Variants in LRRC37A2 observed in about 807,000 individuals in gnomAD.
LRRC37A2 encodes the protein leucine-rich repeat-containing protein 37A2.
A neutral mutation model predicts 68.8 loss-of-function variants in LRRC37A2; 9 were observed. The observed-to-expected ratio is 0.13, with a 90% confidence interval of 0.08 to 0.23. The LOEUF (loss-of-function observed/expected upper bound fraction) is 0.23. Ranked by LOEUF, LRRC37A2 falls within the 10% of genes least tolerant of loss-of-function variation. The probability of loss-of-function intolerance (pLI) is 1.00; values close to 1 mark genes in which losing one functional copy is unlikely to be tolerated. For missense variants in LRRC37A2, 168 were observed against 950.4 expected (o/e 0.18, Z 10.82); for synonymous variants, 63 against 367.6 (o/e 0.17, Z 9.48).
the LRRC37A2 span, among the ~76,000 whole-genome samples, chr17:46,927,998 C>T: frequency 2.0e-5 from 3 of 152,210 alleles, no homozygotes; most frequent in African/African-American, 4.8e-5. Context: ...CTCCGGTCCC[C>T]TGTACCTGTT....
At chr17:46,501,166 G>A in the LRRC37A2 span, among the ~76,000 whole-genome samples, 1 of 151,140 alleles carries the variant, frequency 6.6e-6, no homozygotes, top group South Asian at 2.1e-4. Context: ...CTAGGTACAA[G>A]CCACCATGCC....
the LRRC37A2 span, chr17:46,851,723 C>T: frequency 7.8e-7 from 1 of 1,274,962 alleles, no homozygotes; most frequent in Non-Finnish European, 9.9e-7. The surrounding 1 kb of genome is among the most constrained non-coding windows in gnomAD (Gnocchi z 4.3). Flanking sequence ...CGGGTCAGTG[C>T]CCGCCGCGCC....
the LRRC37A2 span, among the ~76,000 whole-genome samples, chr17:46,831,937 C>G: frequency 2.6e-5 from 4 of 152,254 alleles, no homozygotes; most frequent in Admixed American, 2.6e-4. Context: ...CAGGGCAGAC[C>G]AGGACACTGT....
At chr17:46,755,467 T>C in the LRRC37A2 span, 1 of 1,063,464 alleles carries the variant, frequency 9.4e-7, no homozygotes. Context: ...TAAGTTTGTT[T>C]CCATTTATTT....
At chr17:46,985,917 C>G in the LRRC37A2 span, among the ~76,000 whole-genome samples, 1 of 152,306 alleles carries the variant, frequency 6.6e-6, no homozygotes, top group Non-Finnish European at 1.5e-5. Context: ...AAGGTCTGTA[C>G]CTCGTCTACC....
chr17:46,601,847 A>G, the LRRC37A2 span, among the ~76,000 whole-genome samples: 1 of 151,026 alleles, frequency 6.6e-6, no homozygotes, highest in African/African-American at 2.5e-5. Context: ...TTTCCGTATG[A>G]ATTCTGGGAA....
the LRRC37A2 span, among the ~76,000 whole-genome samples, chr17:46,951,425 C>T: frequency 6.6e-6 from 1 of 152,192 alleles, no homozygotes; most frequent in Non-Finnish European, 1.5e-5. Context: ...GGCTCCTCGC[C>T]CAGCTGCCGC....
the LRRC37A2 span, among the ~76,000 whole-genome samples, chr17:47,007,528 G>A: frequency 2.6e-5 from 4 of 152,246 alleles, no homozygotes; most frequent in South Asian, 2.1e-4. Flanking sequence ...AACTGCTATT[G>A]GAATTATTTC....
the LRRC37A2 span, among the ~76,000 whole-genome samples, chr17:46,710,194 A>G: frequency 2.0e-5 from 3 of 152,166 alleles, no homozygotes; most frequent in Non-Finnish European, 4.4e-5. Context: ...GTAGTAGGTT[A>G]TGTTTTCCTA....
chr17:46,810,427 AAT>A, the LRRC37A2 span, among the ~76,000 whole-genome samples: 1 of 152,120 alleles, frequency 6.6e-6, no homozygotes, highest in African/African-American at 2.4e-5. Flanking sequence ...CCTGATGCTC[AAT>A]GGAGAGCCCC....
the LRRC37A2 span, chr17:46,963,674 T>C: frequency 6.6e-6 from 1 of 152,208 alleles, no homozygotes; most frequent in Non-Finnish European, 1.5e-5. Context: ...CTACATCTGC[T>C]CACTGCCTGT....
chr17:46,810,849 T>C, the LRRC37A2 span, among the ~76,000 whole-genome samples: 2 of 152,202 alleles, frequency 1.3e-5, no homozygotes, highest in Non-Finnish European at 2.9e-5. Context: ...AGTTGCCTAA[T>C]ATCAAGATGG....
chr17:47,027,475 T>A, the LRRC37A2 span: 1 of 724,260 alleles, frequency 1.4e-6, no homozygotes, highest in Admixed American at 2.2e-5. Context: ...GTATCCAATA[T>A]TATTCTAAAC....
chr17:46,981,233 C>T, the LRRC37A2 span, among the ~76,000 whole-genome samples: 1 of 152,034 alleles, frequency 6.6e-6, no homozygotes. Context: ...CATCACAGAG[C>T]CTCTGCTCCC....
At chr17:46,494,973 A>G in the LRRC37A2 span, among the ~76,000 whole-genome samples, 226 of 150,628 alleles carry the variant, frequency 1.5e-3, 17 homozygotes, top group African/African-American at 5.2e-3. Flanking sequence ...CTTCATCCCT[A>G]CCTGCTTCCC....
chr17:46,862,651 T>C, the LRRC37A2 span, among the ~76,000 whole-genome samples: 2 of 152,224 alleles, frequency 1.3e-5, no homozygotes, highest in East Asian at 3.9e-4. Flanking sequence ...GGCAGGATCT[T>C]AGCTCACTAC....
the LRRC37A2 span, among the ~76,000 whole-genome samples, chr17:46,981,355 A>T: frequency 6.6e-6 from 1 of 152,118 alleles, no homozygotes; most frequent in Non-Finnish European, 1.5e-5. Context: ...CAGGGGCACC[A>T]CCCTCATGAA....
chr17:46,534,861 G>C (rs1174244083), intron 6 of LRRC37A2, among the ~76,000 whole-genome samples: 1 of 149,714 alleles, frequency 6.7e-6, no homozygotes, highest in Non-Finnish European at 1.5e-5. Context: ...GGCGGCTGCC[G>C]GGCAGAGGGG....
the LRRC37A2 span, among the ~76,000 whole-genome samples, chr17:47,008,739 A>G: frequency 1.4e-4 from 22 of 152,122 alleles, no homozygotes; most frequent in Non-Finnish European, 1.9e-4. Context: ...TGGCCTCCCA[A>G]AGTGCTGGGA....
Sources: gnomAD v4.1 joint callset for allele counts (sites outside exome capture counted in the v4.1 genomes callset) on GRCh38, gnomAD v4.1.1 for gene constraint, Gnocchi (gnomAD v3.1) non-coding constraint, MANE v1.5 for transcripts, NCBI Gene and HGNC (gene_info 2026-07-23, HGNC 2026-07-21) for gene names.